The following FGF14 variants were observed in gnomAD, a reference collection of about 807,000 sequenced individuals.
FGF14 encodes the protein fibroblast growth factor 14, also known as fibroblast growth factor homologous factor 4.
Under a neutral mutation model 25.5 loss-of-function variants are expected in FGF14, and 5 were observed. The ratio of observed to expected loss-of-function variants is 0.20; its 90% CI spans 0.10 to 0.41. The LOEUF is 0.41. Ranked by LOEUF, FGF14 falls within the 10% of genes least tolerant of loss-of-function variation. FGF14 has a pLI of 1.00. For missense variants in FGF14, 222 were observed against 320.1 expected, an observed-to-expected ratio of 0.69 and a Z score of 2.34; for synonymous variants, 138 against 118.3, an observed-to-expected ratio of 1.17 and a Z score of -1.08.
chr13:102,174,386 G>A (rs1446911600), intron 1 of FGF14, among the ~76,000 whole-genome samples: 3 of 150,868 alleles, frequency 2.0e-5, no homozygotes, highest in Non-Finnish European at 4.4e-5. Context: ...GGCTGGTCTG[G>A]AACTCCTGAC....
At chr13:101,767,477 T>G (rs910182387) in intron 3 of FGF14, among the ~76,000 whole-genome samples, 3 of 152,210 alleles carry the variant, frequency 2.0e-5, no homozygotes, top group African/African-American at 7.2e-5. Context: ...AAATGACTCC[T>G]GAAGGCACCA....
rs1000658433 is a variant in FGF14 at position 101,711,241 on chromosome 13, C to T, written c.*11590G>A. The T allele has an allele frequency of 6.6e-5, 10 of 152,196 alleles. No individual in the cohort carries two copies. Among genetic ancestry groups the T allele is most frequent in the African/African-American group, 2.4e-4 (10 of 41,440 alleles). 9.4% of individuals were successfully genotyped at this position (152,196 alleles called of 1,614,324 possible). A position where few individuals can be genotyped will look rare whatever the true frequency, so the allele number is the denominator to read the frequency against. On this transcript the variant is annotated 3_prime_UTR_variant, in exon 5 of 5. Transcript: ENST00000376143. ...ACTTCAAGCTAGATCCAGATAATCACGTCCAATCTTCTTACAGATGCTGTT... is the reference window on the plus strand; with the variant it reads ...ACTTCAAGCTAGATCCAGATAATCATGTCCAATCTTCTTACAGATGCTGTT...
intron 1 of FGF14, among the ~76,000 whole-genome samples, chr13:102,165,665 TGGGTGG>T (rs1279516907): frequency 5.1e-5 from 5 of 97,098 alleles, no homozygotes; most frequent in African/African-American, 2.1e-4. Context: ...GGGCCTGTTG[TGGGTGG>T]GGGGAGGGGG....
intron 1 of FGF14, among the ~76,000 whole-genome samples, chr13:101,998,708 G>A (rs1009236970): frequency 3.9e-5 from 6 of 152,142 alleles, no homozygotes; most frequent in African/African-American, 7.2e-5. Flanking sequence ...GCTCCCCGTC[G>A]GTGTATGCAT....
chr13:102,037,400 C>T (rs896873022), intron 1 of FGF14, among the ~76,000 whole-genome samples: 5 of 152,054 alleles, frequency 3.3e-5, no homozygotes, highest in East Asian at 3.9e-4. Context: ...GGCCTCTCTC[C>T]TCTATTTTCA....
At chr13:101,806,408 G>A (rs1002654581) in intron 3 of FGF14, among the ~76,000 whole-genome samples, 2 of 138,948 alleles carry the variant, frequency 1.4e-5, no homozygotes, top group Non-Finnish European at 1.5e-5. Context: ...GACAGAGCAA[G>A]ACTCCGTCTA....
chr13:101,790,524 T>C (rs934046899), intron 3 of FGF14, among the ~76,000 whole-genome samples: 13 of 152,012 alleles, frequency 8.6e-5, no homozygotes, highest in African/African-American at 3.1e-4. Flanking sequence ...AAACTACCCA[T>C]TGGGTACTAT....
At chr13:101,957,896 AG>A (rs1482737987) in intron 1 of FGF14, among the ~76,000 whole-genome samples, 1 of 152,204 alleles carries the variant, frequency 6.6e-6, no homozygotes, top group Non-Finnish European at 1.5e-5. Flanking sequence ...GACTATGACA[AG>A]AAAAAAAAAT....
At chr13:101,862,242 T>A (rs1210875305) in intron 3 of FGF14, among the ~76,000 whole-genome samples, 1 of 152,102 alleles carries the variant, frequency 6.6e-6, no homozygotes, top group Non-Finnish European at 1.5e-5. Flanking sequence ...TCCTTCCTTT[T>A]TCATCCTCCC....
At chr13:101,850,717 T>C (rs1449750553) in intron 3 of FGF14, among the ~76,000 whole-genome samples, 1 of 146,190 alleles carries the variant, frequency 6.8e-6, no homozygotes, top group Non-Finnish European at 1.5e-5. Flanking sequence ...ATAATACATA[T>C]ATAGAGAGAG....
At chr13:102,126,325 T>C (rs1365789269) in intron 1 of FGF14, among the ~76,000 whole-genome samples, 1 of 152,192 alleles carries the variant, frequency 6.6e-6, no homozygotes, top group African/African-American at 2.4e-5. Context: ...ACAATATGTG[T>C]CCTATTGTGT....
chr13:102,074,414 A>G (rs983913374), intron 1 of FGF14, among the ~76,000 whole-genome samples: 1 of 152,208 alleles, frequency 6.6e-6, no homozygotes, highest in African/African-American at 2.4e-5. Context: ...CTTCTGAACC[A>G]TGACTCTCAG....
At chr13:101,919,747 T>G (rs1411312739), upstream of FGF14, among the ~76,000 whole-genome samples, 1 of 152,202 alleles carries the variant, frequency 6.6e-6, no homozygotes, top group African/African-American at 2.4e-5. Context: ...TTCTCACTTT[T>G]TTCCCTCATG....
chr13:101,995,695 G>C (rs1175018364), intron 1 of FGF14, among the ~76,000 whole-genome samples: 2 of 152,168 alleles, frequency 1.3e-5, no homozygotes, highest in Non-Finnish European at 1.5e-5. Context: ...CAGAAGAGGA[G>C]AGAAGAGCAA....
rs148407899 is a variant in FGF14 at position 102,101,827 on chromosome 13, C to T, written c.209-226531G>A. On this transcript the variant is annotated intron_variant, in intron 1 of 4. Coordinates refer to the FGF14 transcript ENST00000376131. ...TCAAGCGATTCCCCTGCCTCAGCTT[C>T]CTGAGTAGCTGGAATTACAGATGCA... is the stretch of plus-strand genomic sequence containing the variant. Among the ~76,000 whole-genome samples, 8 of 152,248 alleles carry T rather than the reference C, an allele frequency of 5.3e-5. No homozygotes were observed. In the East Asian group the frequency reaches 1.4e-3, roughly 26 times the overall value.
At chr13:101,893,911 T>A (rs765015239) in intron 1 of FGF14, among the ~76,000 whole-genome samples, 4 of 152,110 alleles carry the variant, frequency 2.6e-5, no homozygotes, top group Non-Finnish European at 4.4e-5. Flanking sequence ...TCTTAGCATC[T>A]CATGGGGAGG....
At chr13:102,011,604 G>A (rs1284193279) in intron 1 of FGF14, among the ~76,000 whole-genome samples, 1 of 152,048 alleles carries the variant, frequency 6.6e-6, no homozygotes, top group Non-Finnish European at 1.5e-5. Flanking sequence ...CTTATCCATA[G>A]CTGAGAGCAT....
At chr13:101,730,462 T>G (rs539823866) in intron 3 of FGF14, among the ~76,000 whole-genome samples, 17 of 152,304 alleles carry the variant, frequency 1.1e-4, no homozygotes, top group East Asian at 1.9e-4. Context: ...GTTACAAAAA[T>G]TATTCAAGAA....
At chr13:102,116,428 A>G (rs1037801946) in intron 1 of FGF14, among the ~76,000 whole-genome samples, 2 of 152,154 alleles carry the variant, frequency 1.3e-5, no homozygotes, top group African/African-American at 2.4e-5. Context: ...TCTATATACA[A>G]TAAATTATAT....
Sources: allele counts gnomAD v4.1 joint callset (sites outside exome capture counted in the v4.1 genomes callset), GRCh38; gene constraint gnomAD v4.1.1; transcripts MANE v1.5; gene names NCBI Gene and HGNC (gene_info 2026-07-23, HGNC 2026-07-21).